Variants in LYSET observed in about 807,000 individuals in gnomAD.
LYSET encodes lysosomal enzyme trafficking factor, also known as GNPTAB cleavage and activity factor.
the LYSET span, among the ~76,000 whole-genome samples, chr14:93,187,953 GTATT>G: frequency 6.6e-6 from 1 of 150,504 alleles, no homozygotes; most frequent in African/African-American, 2.4e-5. Context: ...ATGCCTAGCT[GTATT>G]TATTTATGTT....
chr14:93,188,012 G>A, the LYSET span, among the ~76,000 whole-genome samples: 1 of 151,696 alleles, frequency 6.6e-6, no homozygotes, highest in Non-Finnish European at 1.5e-5. Flanking sequence ...AGACTGGTGT[G>A]CAGAAGTGCG....
the LYSET span, chr14:93,186,506 A>G: frequency 6.2e-7 from 1 of 1,614,216 alleles, no homozygotes; most frequent in Non-Finnish European, 8.5e-7. Flanking sequence ...TTTTTCTGGT[A>G]CCTTACTTAC....
chr14:93,187,114 C>A, the LYSET span: 2 of 169,994 alleles, frequency 1.2e-5, no homozygotes, highest in African/African-American at 4.8e-5. Context: ...AAATTCTTCA[C>A]ACTTAAAACA....
chr14:93,185,876 T>TG, the LYSET span, among the ~76,000 whole-genome samples: 2 of 151,418 alleles, frequency 1.3e-5, no homozygotes, highest in African/African-American at 2.4e-5. Context: ...TTCTTTTTTT[T>TG]TTTTTTTAAT....
chr14:93,185,295 C>T, the LYSET span: 1 of 1,026,592 alleles, frequency 9.7e-7, no homozygotes, highest in Non-Finnish European at 1.4e-6. Flanking sequence ...CGTGACCCGC[C>T]GCAGTCACGC....
chr14:93,187,320 C>T, the LYSET span, among the ~76,000 whole-genome samples: 8 of 152,014 alleles, frequency 5.3e-5, no homozygotes, highest in African/African-American at 1.9e-4. Flanking sequence ...AATGGGGTCT[C>T]GCTATGTTGC....
the LYSET span, chr14:93,185,421 G>A: frequency 6.2e-7 from 1 of 1,612,770 alleles, no homozygotes; most frequent in East Asian, 2.2e-5. Flanking sequence ...AAAGCCACCC[G>A]ATTATTCAGA....
the LYSET span, chr14:93,185,482 C>G: frequency 9.9e-6 from 16 of 1,611,116 alleles, no homozygotes; most frequent in Non-Finnish European, 1.4e-5. Context: ...TTTTCGGGAC[C>G]ATTGTAAGTG....
chr14:93,187,893 T>C, the LYSET span, among the ~76,000 whole-genome samples: 5 of 151,524 alleles, frequency 3.3e-5, no homozygotes, highest in African/African-American at 1.2e-4. Context: ...ACTAAGGTAA[T>C]CCACTTGCGT....
chr14:93,185,566 T>C, the LYSET span: 9 of 1,162,380 alleles, frequency 7.7e-6, no homozygotes, highest in African/African-American at 4.6e-5. Context: ...AGTACTGTTA[T>C]GCCAGAAAGT....
chr14:93,185,208 A>G, the LYSET span: 3 of 305,214 alleles, frequency 9.8e-6, no homozygotes, highest in Non-Finnish European at 1.8e-5. Flanking sequence ...CCGGAGGCCC[A>G]AGTGGCGGGG....
chr14:93,186,543 AC>A, the LYSET span: 1 of 1,614,216 alleles, frequency 6.2e-7, no homozygotes, highest in Non-Finnish European at 8.5e-7. Context: ...ATACTCTTGT[AC>A]AAGAGCTGAT....
At chr14:93,186,679 C>G in the LYSET span, 1 of 1,579,022 alleles carries the variant, frequency 6.3e-7, no homozygotes, top group Non-Finnish European at 8.6e-7. Context: ...TAAAATCAGT[C>G]ACCGTTTTTT....
chr14:93,185,505 T>A, the LYSET span: 1 of 1,598,048 alleles, frequency 6.3e-7, no homozygotes, highest in East Asian at 2.2e-5. Context: ...TAGGAGTTAC[T>A]GTCTTAACTT....
At chr14:93,186,310 G>C in the LYSET span, 2 of 1,614,090 alleles carry the variant, frequency 1.2e-6, no homozygotes, top group Non-Finnish European at 1.7e-6. Flanking sequence ...GGATGGATTG[G>C]AGTGGGATTG....
the LYSET span, chr14:93,185,577 G>GT: frequency 1.9e-6 from 2 of 1,071,770 alleles, no homozygotes; most frequent in East Asian, 2.5e-5. Context: ...GCCAGAAAGT[G>GT]TTTCACCTGT....
chr14:93,186,751 A>G, the LYSET span: 1 of 1,441,228 alleles, frequency 6.9e-7, no homozygotes, highest in South Asian at 1.4e-5. Context: ...CAGTTTCTTC[A>G]CAGATCTCAG....
chr14:93,186,368 T>G, the LYSET span: 1 of 1,614,234 alleles, frequency 6.2e-7, no homozygotes, highest in Non-Finnish European at 8.5e-7. Context: ...TTGAAATCAG[T>G]GAGACTTACA....
At chr14:93,187,703 C>G in the LYSET span, among the ~76,000 whole-genome samples, 1 of 152,140 alleles carries the variant, frequency 6.6e-6, no homozygotes, top group Non-Finnish European at 1.5e-5. Flanking sequence ...GCAGTCTTGG[C>G]TCACTGGAAC....
Sources: gnomAD v4.1 joint callset for allele counts (sites outside exome capture counted in the v4.1 genomes callset) on GRCh38, gnomAD v4.1.1 for gene constraint, MANE v1.5 for transcripts, NCBI Gene and HGNC (gene_info 2026-07-23, HGNC 2026-07-21) for gene names.